GRID2: variants seen among roughly 807,000 people sequenced by gnomAD.
GRID2 encodes glutamate ionotropic receptor delta type subunit 2, also known as glutamate receptor ionotropic, delta-2.
Under a neutral mutation model 114.8 loss-of-function variants are expected in GRID2, and 33 were observed. The ratio of observed to expected loss-of-function variants is 0.29; its 90% confidence interval spans 0.22 to 0.38. The LOEUF (loss-of-function observed/expected upper bound fraction) is 0.38. GRID2 is among the 10% of genes least tolerant of loss of function. The pLI is 1.00. For missense variants in GRID2, 1,184 were observed against 1,257.7 expected (o/e 0.94, Z 0.89); for synonymous variants, 505 against 449.9 (o/e 1.12, Z -1.55).
chr4:92,432,945 C>T (rs1732536864), intron 1 of GRID2, among the ~76,000 whole-genome samples: 1 of 152,106 alleles, frequency 6.6e-6, no homozygotes, highest in Non-Finnish European at 1.5e-5. Context: ...AGCCCAAGGG[C>T]TCTTTATTCA....
chr4:93,535,585 C>G (rs1731976296), intron 13 of GRID2, among the ~76,000 whole-genome samples: 1 of 151,860 alleles, frequency 6.6e-6, no homozygotes, highest in Admixed American at 6.6e-5. Flanking sequence ...TTTAATAATA[C>G]CAATTCTCAC....
At chr4:93,671,047 G>A (rs1043154342) in intron 14 of GRID2, among the ~76,000 whole-genome samples, 1 of 152,150 alleles carries the variant, frequency 6.6e-6, no homozygotes, top group African/African-American at 2.4e-5. Flanking sequence ...CCATAGAAAC[G>A]TGGGGAGGGG....
At chr4:92,767,617 G>T (rs114037334) in intron 2 of GRID2, among the ~76,000 whole-genome samples, 1 of 152,168 alleles carries the variant, frequency 6.6e-6, no homozygotes, top group Admixed American at 6.5e-5. Flanking sequence ...TGGGCATGGT[G>T]GTGGGTATCT....
intron 4 of GRID2, among the ~76,000 whole-genome samples, chr4:93,173,958 G>C (rs1157722675): frequency 1.3e-5 from 2 of 152,104 alleles, no homozygotes; most frequent in Non-Finnish European, 2.9e-5. Flanking sequence ...AATGCATTTT[G>C]TATTTAGAGG....
intron 2 of GRID2, among the ~76,000 whole-genome samples, chr4:93,026,912 T>C (rs1335538392): frequency 1.3e-5 from 2 of 152,050 alleles, no homozygotes; most frequent in Non-Finnish European, 2.9e-5. Context: ...ACTGCCCATT[T>C]ATAGTAGGTA....
intron 2 of GRID2, among the ~76,000 whole-genome samples, chr4:92,704,804 T>C (rs2149304558): frequency 7.3e-6 from 1 of 137,808 alleles, no homozygotes. Context: ...GCCCTCCCCT[T>C]CCCTCTTTTC....
rs370081878 is a variant in GRID2 at position 93,133,563 on chromosome 4, TG to T, written c.735+22613del. ...AGCTATATGTTTTGAGAATGCACTT[TG>T]GGAAAAAATTACTATGACTTTCAAT... On this transcript the variant is annotated intron_variant, in intron 4 of 15. Transcript: ENST00000282020. 7.2e-3 allele frequency among the ~76,000 whole-genome samples: 1,098 copies of T among 152,298 alleles called. 16 individuals are homozygous for T. The highest frequency in any genetic ancestry group is 0.025 in the African/African-American group (1,043 of 41,564).
Position 92,596,334 on chromosome 4 carries a change from T to C in GRID2, c.244+6048T>C, listed in dbSNP as rs529858309. ...AGGTTGTGCCTTGAGTCTCAATGTC[T>C]ATCCCAGTGCTCTGGTTAACTCTGG... On this transcript the variant is annotated intron_variant, in intron 2 of 15. Coordinates refer to ENST00000282020, the MANE Select transcript of GRID2 (RefSeq NM_001510.4). 3.3e-5 allele frequency among the ~76,000 whole-genome samples: 5 copies of C among 152,222 alleles called. No homozygotes were observed. In the East Asian group the frequency reaches 7.8e-4, roughly 24 times the overall value.
rs150227291 is a variant in GRID2 at position 92,830,870 on chromosome 4, G to A, written c.244+240584G>A. Among the ~76,000 whole-genome samples the A allele has an allele frequency of 9.6e-4, 146 of 152,254 alleles. 1 individual carries two copies. Among genetic ancestry groups the A allele is most frequent in the African/African-American group, 3.3e-3 (138 of 41,572 alleles). Reference sequence around the variant, plus strand: ...TCTGGGTATTGCAATAATTCATTGTGTAGTTACAGAACATATCATAGAGCA... The same window carrying A: ...TCTGGGTATTGCAATAATTCATTGTATAGTTACAGAACATATCATAGAGCA... On this transcript the variant is annotated intron_variant, in intron 2 of 15. Transcript: ENST00000282020.
chr4:93,010,528 C>T (rs919491401), intron 2 of GRID2, among the ~76,000 whole-genome samples: 4 of 151,204 alleles, frequency 2.6e-5, no homozygotes, highest in Admixed American at 6.6e-5. Context: ...ATCCTCCCAG[C>T]ACTTGCACTT....
At chr4:92,545,248 A>G (rs1265758486) in intron 1 of GRID2, among the ~76,000 whole-genome samples, 1 of 152,206 alleles carries the variant, frequency 6.6e-6, no homozygotes, top group African/African-American at 2.4e-5. Context: ...AGGCAGAGGA[A>G]ATGAGGACTA....
chr4:93,721,263 C>T (rs1017677891), intron 14 of GRID2, among the ~76,000 whole-genome samples: 1 of 151,884 alleles, frequency 6.6e-6, no homozygotes, highest in Non-Finnish European at 1.5e-5. Context: ...ATTAAATAGT[C>T]AAAAAGGGAT....
intron 2 of GRID2, among the ~76,000 whole-genome samples, chr4:93,026,894 C>T (rs1392195249): frequency 1.3e-5 from 2 of 151,844 alleles, no homozygotes; most frequent in Non-Finnish European, 2.9e-5. Context: ...ATGATAATGG[C>T]CTGAAAAACT....
At chr4:93,326,671 T>C (rs1757870149) in intron 8 of GRID2, among the ~76,000 whole-genome samples, 1 of 152,138 alleles carries the variant, frequency 6.6e-6, no homozygotes, top group Non-Finnish European at 1.5e-5. Flanking sequence ...ATCTATTGTT[T>C]GTATTACACC....
At chr4:93,145,141 C>A (rs1009790106) in intron 4 of GRID2, among the ~76,000 whole-genome samples, 1 of 152,072 alleles carries the variant, frequency 6.6e-6, no homozygotes. Flanking sequence ...TCAGAGAGAC[C>A]CATCTCTGAT....
chr4:93,450,477 A>G (rs935752219), intron 10 of GRID2, among the ~76,000 whole-genome samples: 5 of 151,890 alleles, frequency 3.3e-5, no homozygotes, highest in African/African-American at 9.7e-5. Flanking sequence ...TACCAATATA[A>G]TGTTCTTAGC....
At chr4:93,085,679 A>C (rs1695543950) in intron 3 of GRID2, among the ~76,000 whole-genome samples, 1 of 152,138 alleles carries the variant, frequency 6.6e-6, no homozygotes, top group African/African-American at 2.4e-5. Context: ...CTGAAAATTT[A>C]CCTCTTTCTA....
chr4:92,525,685 A>C (rs924471328), intron 1 of GRID2, among the ~76,000 whole-genome samples: 4 of 152,136 alleles, frequency 2.6e-5, no homozygotes, highest in Non-Finnish European at 5.9e-5. Flanking sequence ...CCTAGAGATG[A>C]GTGCAGAGGA....
At chr4:92,770,617 G>T (rs973784241) in intron 2 of GRID2, among the ~76,000 whole-genome samples, 4 of 152,134 alleles carry the variant, frequency 2.6e-5, no homozygotes, top group Admixed American at 6.6e-5. Context: ...AAGGTGAAAG[G>T]CAAGGAGGGG....
Sources: allele counts gnomAD v4.1 joint callset (sites outside exome capture counted in the v4.1 genomes callset), GRCh38; gene constraint gnomAD v4.1.1; transcripts MANE v1.5; gene names NCBI Gene and HGNC (gene_info 2026-07-23, HGNC 2026-07-21).